EFHC1: variants seen among roughly 807,000 people sequenced by gnomAD.
The protein encoded by EFHC1 is EF-hand domain-containing protein 1.
EFHC1 carries 53 observed loss-of-function variants against 69.9 expected under a neutral mutation model. That is an observed-to-expected ratio of 0.76 (90% CI 0.61 to 0.95). The LOEUF is 0.95. EFHC1 is among the 40% of genes least tolerant of loss of function. EFHC1 has a pLI of 0.00. For missense variants in EFHC1, 739 were observed against 798.7 expected (o/e 0.93, Z 0.90); for synonymous variants, 256 against 278.4 (o/e 0.92, Z 0.80).
At chr6:52,463,514 T>C (rs990384476) in intron 5 of EFHC1, among the ~76,000 whole-genome samples, 21 of 152,194 alleles carry the variant, frequency 1.4e-4, no homozygotes, top group Non-Finnish European at 2.9e-4. Context: ...CAAACCCTTT[T>C]AGAGAGAAGA....
At chr6:52,466,428 C>T (rs1765308612) in intron 6 of EFHC1, among the ~76,000 whole-genome samples, 1 of 152,150 alleles carries the variant, frequency 6.6e-6, no homozygotes, top group Admixed American at 6.5e-5. Flanking sequence ...CTTTTTTATC[C>T]TCCAATACCC....
At chr6:52,458,161 G>A (rs1384269935) in intron 5 of EFHC1, among the ~76,000 whole-genome samples, 1 of 152,056 alleles carries the variant, frequency 6.6e-6, no homozygotes, top group Admixed American at 6.6e-5. Context: ...CTATGCAAAA[G>A]TAAATAAATA....
chr6:52,473,267 G>A (rs1285578352), intron 7 of EFHC1, among the ~76,000 whole-genome samples: 3 of 152,146 alleles, frequency 2.0e-5, no homozygotes, highest in African/African-American at 7.2e-5. Flanking sequence ...GCTGGGAAAG[G>A]AAGATGTTTC....
At chr6:52,433,872 G>A (rs1040342150) in intron 2 of EFHC1, among the ~76,000 whole-genome samples, 4 of 152,168 alleles carry the variant, frequency 2.6e-5, no homozygotes, top group Admixed American at 2.6e-4. Context: ...GAGGATGGGG[G>A]TGAGGGTCTG....
intron 3 of EFHC1, among the ~76,000 whole-genome samples, chr6:52,440,819 A>G (rs1764646218): frequency 6.6e-6 from 1 of 152,100 alleles, no homozygotes; most frequent in African/African-American, 2.4e-5. Context: ...CTTTTTAATA[A>G]TAGCCATTCT....
At chr6:52,452,926 A>G (rs1291556341) in intron 4 of EFHC1, 89 bp downstream of exon 4, 1 of 1,604,990 alleles carries the variant, frequency 6.2e-7, no homozygotes, top group Admixed American at 1.7e-5. Context: ...TGTATTGGTA[A>G]CTATTTTGAA....
At chr6:52,435,868 C>T (rs180976030) in intron 2 of EFHC1, among the ~76,000 whole-genome samples, 1 of 152,180 alleles carries the variant, frequency 6.6e-6, no homozygotes, top group African/African-American at 2.4e-5. Flanking sequence ...CACACAGATT[C>T]CTTCTTGGAA....
Position 52,478,143 on chromosome 6 carries a change from G to A in EFHC1, c.1279-894G>A, listed in dbSNP as rs937282672. Among the ~76,000 whole-genome samples the A allele has an allele frequency of 1.8e-3, 280 of 152,220 alleles. 2 individuals are homozygous for A. Among genetic ancestry groups the A allele is most frequent in the Non-Finnish European group, 2.8e-3 (189 of 68,022 alleles). On this transcript the variant is annotated intron_variant, in intron 7 of 10. Transcript: ENST00000371068. ...CTTTGTAGGGACATGGATGAAATTG[G>A]AAATCATCATTCTCAGTAAACTATC...
At chr6:52,468,132 A>G (rs1156734947) in intron 6 of EFHC1, among the ~76,000 whole-genome samples, 1 of 152,230 alleles carries the variant, frequency 6.6e-6, no homozygotes, top group African/African-American at 2.4e-5. Context: ...GGGAAAAGAA[A>G]GAAACCAGAA....
chr6:52,487,676 C>T (rs1765814677), intron 9 of EFHC1: 1 of 152,216 alleles, frequency 6.6e-6, no homozygotes, highest in Non-Finnish European at 1.5e-5. Context: ...TCTAAGAGCA[C>T]ACAGAAAACT....
At position 52,490,347 on chromosome 6, in the gene EFHC1, G is replaced by A. The variant is rs767389087; in HGVS notation, c.1848G>A (p.Lys616=). The A allele has an allele frequency of 6.2e-7, 1 of 1,613,564 alleles. No individual in the cohort carries two copies. Among genetic ancestry groups the A allele is most frequent in the Admixed American group, 1.7e-5 (1 of 60,008 alleles). The change falls in exon 10 of 11, where the codon AAG becomes AAA. Residue 616 remains lysine (K), a synonymous_variant. Coordinates refer to ENST00000371068, the MANE Select transcript of EFHC1 (RefSeq NM_018100.4). ...TCCCAGTGGATGACTCCTTGGTTAA[G>A]GAGGTCAGTATGAATTACTCTTCTG... ...LNVPVDDSLV[K]ELIRMCSHGE...
intron 3 of EFHC1, among the ~76,000 whole-genome samples, chr6:52,440,080 C>T (rs948617345): frequency 1.3e-5 from 2 of 152,038 alleles, no homozygotes; most frequent in Non-Finnish European, 2.9e-5. Flanking sequence ...AGTCGGTTCT[C>T]ATTATTGACA....
chr6:52,453,995 T>C, intron 4 of EFHC1, 100 bp from the exon 5 acceptor site: 1 of 1,597,896 alleles, frequency 6.3e-7, no homozygotes, highest in Non-Finnish European at 8.5e-7. Context: ...TCATAGTCTT[T>C]CCAGCTAGTC....
At position 52,493,362 on chromosome 6, in the gene EFHC1, C is replaced by CA; in HGVS notation, c.*1021_*1022insA. 5.8e-6 allele frequency: 1 copy of CA among 171,950 alleles called. No individual in the cohort carries two copies. Among genetic ancestry groups the CA allele is most frequent in the South Asian group, 4.1e-5 (1 of 24,596 alleles). The allele number at this position is 171,950 out of a possible 1,614,324, so 10.7% of individuals were successfully genotyped here. A position where few individuals can be genotyped will look rare whatever the true frequency, so the allele number is the denominator to read the frequency against. ...CTTATAACTCTCTCTTTCTCTCTCT[C>CA]TACATATATATATATATATATATTT... On this transcript the variant is annotated 3_prime_UTR_variant, in exon 11 of 11. Coordinates refer to ENST00000371068, the MANE Select transcript of EFHC1 (RefSeq NM_018100.4).
chr6:52,474,145 G>A lies in EFHC1; in HGVS notation c.1278+4672G>A, dbSNP rs571274262. On this transcript the variant is annotated intron_variant, in intron 7 of 10. Coordinates refer to ENST00000371068, the MANE Select transcript of EFHC1 (RefSeq NM_018100.4). ...TAGGGCAACATAATGAGACCCTATC[G>A]CTACAAAGATAAAAAAATAAGTTAA... 3.5e-4 allele frequency among the ~76,000 whole-genome samples: 53 copies of A among 152,212 alleles called. 1 individual carries two copies. The highest frequency in any genetic ancestry group is 1.2e-3 in the African/African-American group (50 of 41,528).
chr6:52,489,010 A>G (rs1765842273), intron 9 of EFHC1: 1 of 152,156 alleles, frequency 6.6e-6, no homozygotes, highest in African/African-American at 2.4e-5. Context: ...ATTTGAGATT[A>G]TTTGCTGGAC....
chr6:52,495,673 C>G lies in EFHC1; in HGVS notation c.*3332C>G, dbSNP rs777886701. 3 of 441,116 alleles carry G rather than the reference C, an allele frequency of 6.8e-6. No individual in the cohort carries two copies. Among genetic ancestry groups the G allele is most frequent in the African/African-American group, 6.1e-5 (3 of 49,572 alleles). 27.3% of individuals were successfully genotyped at this position (441,116 alleles called of 1,614,324 possible). A position where few individuals can be genotyped will look rare whatever the true frequency, so the allele number is the denominator to read the frequency against. ...GTGTGACCATAGCTCACTGCAGCCT[C>G]AAACTCCTGGGCTCATGCAATCCTC... is the stretch of plus-strand genomic sequence containing the variant. On this transcript the variant is annotated 3_prime_UTR_variant, in exon 11 of 11. Coordinates refer to ENST00000371068, the MANE Select transcript of EFHC1 (RefSeq NM_018100.4).
At chr6:52,458,972 T>C (rs1399179782) in intron 5 of EFHC1, among the ~76,000 whole-genome samples, 2 of 152,186 alleles carry the variant, frequency 1.3e-5, no homozygotes, top group Non-Finnish European at 2.9e-5. Context: ...TGGATGCAGG[T>C]AGAGGCCATT....
chr6:52,479,908 G>T (rs1765638306), intron 9 of EFHC1, 121 bp downstream of exon 9: 1 of 1,460,350 alleles, frequency 6.8e-7, no homozygotes, highest in South Asian at 1.2e-5. Flanking sequence ...GGAATTATTA[G>T]ATATAAACAG....
Sources: gnomAD v4.1 joint callset for allele counts (sites outside exome capture counted in the v4.1 genomes callset) on GRCh38, gnomAD v4.1.1 for gene constraint, MANE v1.5 for transcripts, NCBI Gene and HGNC (gene_info 2026-07-23, HGNC 2026-07-21) for gene names.